Variants in AKAP13 observed in about 807,000 individuals in gnomAD.
The protein encoded by AKAP13 is A-kinase anchor protein 13.
Under a neutral mutation model 264.5 loss-of-function variants are expected in AKAP13, and 80 were observed. The ratio of observed to expected loss-of-function variants is 0.30; its 90% CI spans 0.25 to 0.36. AKAP13 has a LOEUF of 0.36. Among genes scored for constraint, AKAP13 ranks in the 10% least tolerant of loss-of-function variants. AKAP13 has a pLI of 1.00. For synonymous variants in AKAP13, 1,380 were observed against 1,250.2 expected (o/e 1.10, Z -2.19); for missense variants, 3,712 against 3,435.2 (o/e 1.08, Z -2.01).
intron 23 of AKAP13, 126 bp from the exon 24 acceptor site, chr15:85,721,865 T>A: frequency 1.4e-6 from 2 of 1,458,492 alleles, no homozygotes; most frequent in Non-Finnish European, 1.8e-6. Context: ...CTGCACCATT[T>A]CATTCTTTTG....
chr15:85,685,483 TG>T (rs1471341249), intron 16 of AKAP13: 4 of 148,178 alleles, frequency 2.7e-5, no homozygotes, highest in Non-Finnish European at 4.4e-5. Flanking sequence ...TGTGTGTGTG[TG>T]TGTGTCTGTG....
chr15:85,504,985 C>G (rs572854612), intron 2 of AKAP13, among the ~76,000 whole-genome samples: 30 of 151,958 alleles, frequency 2.0e-4, no homozygotes, highest in African/African-American at 7.0e-4. Flanking sequence ...TGTGTGTGTG[C>G]GCACATGTGT....
intron 1 of AKAP13, among the ~76,000 whole-genome samples, chr15:85,391,348 C>G (rs1682430668): frequency 1.3e-5 from 2 of 152,122 alleles, no homozygotes; most frequent in Non-Finnish European, 2.9e-5. Flanking sequence ...TTATGTGATG[C>G]TAGTGTATTA....
intron 1 of AKAP13, among the ~76,000 whole-genome samples, chr15:85,426,508 G>A (rs2072786090): frequency 6.6e-6 from 1 of 151,702 alleles, no homozygotes; most frequent in Admixed American, 6.6e-5. Flanking sequence ...TTTTTTTTGG[G>A]TTATAACTGA....
intron 1 of AKAP13, among the ~76,000 whole-genome samples, chr15:85,465,099 C>G (rs1029934409): frequency 6.8e-6 from 1 of 146,348 alleles, no homozygotes; most frequent in Admixed American, 7.0e-5. Flanking sequence ...CACCACCACG[C>G]CTGGCTAATT....
Position 85,738,867 on chromosome 15 carries a change from AAG to A in AKAP13, c.7558-1354_7558-1353del, listed in dbSNP as rs1491341612. ...CTCAAAAAAAAAAAAAAAAAAAAAA[AAG>A]TTTGGTGTTTATATTTCCAGCCTTC... On this transcript the variant is annotated intron_variant, in intron 33 of 36. Transcript: ENST00000394518. Among the ~76,000 whole-genome samples the A allele has an allele frequency of 6.5e-4, 98 of 151,586 alleles. 1 individual carries two copies. The highest frequency in any genetic ancestry group is 3.9e-4 in the Admixed American group (6 of 15,224).
At chr15:85,549,681 C>T (rs2077883801) in intron 5 of AKAP13, among the ~76,000 whole-genome samples, 1 of 152,180 alleles carries the variant, frequency 6.6e-6, no homozygotes, top group African/African-American at 2.4e-5. Flanking sequence ...GGCCCATATT[C>T]TTCCCTCTAC....
At chr15:85,413,023 A>G (rs1349629151) in intron 1 of AKAP13, among the ~76,000 whole-genome samples, 1 of 152,208 alleles carries the variant, frequency 6.6e-6, no homozygotes, top group African/African-American at 2.4e-5. Flanking sequence ...TTTTAGACTT[A>G]GTTTAAGTTG....
At chr15:85,663,992 T>C (rs1273377662) in intron 12 of AKAP13, among the ~76,000 whole-genome samples, 1 of 152,212 alleles carries the variant, frequency 6.6e-6, no homozygotes, top group African/African-American at 2.4e-5. Context: ...CTGTCAGCAG[T>C]TGTTTGGCCA....
intron 1 of AKAP13, among the ~76,000 whole-genome samples, chr15:85,465,241 C>G (rs1363959840): frequency 6.6e-6 from 1 of 152,064 alleles, no homozygotes; most frequent in Non-Finnish European, 1.5e-5. Flanking sequence ...CGTGAGCCAC[C>G]ACGCCCGGCC....
At chr15:85,519,703 A>G (rs1345492242) in intron 2 of AKAP13, among the ~76,000 whole-genome samples, 1 of 152,208 alleles carries the variant, frequency 6.6e-6, no homozygotes, top group African/African-American at 2.4e-5. Context: ...GGATTAGGAT[A>G]CTGTTGAATG....
chr15:85,712,707 C>T (rs1301557128), intron 19 of AKAP13, among the ~76,000 whole-genome samples: 1 of 152,138 alleles, frequency 6.6e-6, no homozygotes, highest in African/African-American at 2.4e-5. Flanking sequence ...CCACACCCAG[C>T]TAATTTTTGT....
intron 1 of AKAP13, among the ~76,000 whole-genome samples, chr15:85,457,352 G>A (rs1437490430): frequency 6.6e-6 from 1 of 152,152 alleles, no homozygotes; most frequent in African/African-American, 2.4e-5. Flanking sequence ...CTCTTTTAAG[G>A]AAAACACCAT....
At chr15:85,737,273 G>A (rs1214058470) in intron 33 of AKAP13, among the ~76,000 whole-genome samples, 1 of 152,134 alleles carries the variant, frequency 6.6e-6, no homozygotes, top group Non-Finnish European at 1.5e-5. Context: ...CATCTGTGAA[G>A]CAGTCATGGT....
chr15:85,505,448 G>A (rs1054395804), intron 2 of AKAP13, among the ~76,000 whole-genome samples: 1 of 152,156 alleles, frequency 6.6e-6, no homozygotes, highest in Non-Finnish European at 1.5e-5. Context: ...GGTTTTGGCA[G>A]GAGAATACAC....
intron 1 of AKAP13, among the ~76,000 whole-genome samples, chr15:85,396,768 G>C (rs1283564731): frequency 2.0e-5 from 3 of 152,132 alleles, no homozygotes; most frequent in Non-Finnish European, 4.4e-5. Context: ...AGTAATTGCA[G>C]AAATAGGACT....
intron 8 of AKAP13, among the ~76,000 whole-genome samples, chr15:85,633,435 A>G (rs976074274): frequency 6.6e-6 from 1 of 151,148 alleles, no homozygotes; most frequent in Non-Finnish European, 1.5e-5. Context: ...CAGTGGTTCT[A>G]TTAGCAGAGA....
At chr15:85,545,874 A>G (rs2077718346) in intron 5 of AKAP13, among the ~76,000 whole-genome samples, 1 of 152,110 alleles carries the variant, frequency 6.6e-6, no homozygotes, top group African/African-American at 2.4e-5. Context: ...TAAAATAGTA[A>G]ATTTTAGGGA....
intron 14 of AKAP13, among the ~76,000 whole-genome samples, chr15:85,681,168 A>G (rs1361577576): frequency 6.6e-6 from 1 of 152,214 alleles, no homozygotes; most frequent in Non-Finnish European, 1.5e-5. Flanking sequence ...TATCAGATTA[A>G]AGTTTTGCTT....
Sources: allele counts gnomAD v4.1 joint callset (sites outside exome capture counted in the v4.1 genomes callset), GRCh38; gene constraint gnomAD v4.1.1; transcripts MANE v1.5; gene names NCBI Gene and HGNC (gene_info 2026-07-23, HGNC 2026-07-21).